SYNJ2BP: variants seen among roughly 807,000 people sequenced by gnomAD.
SYNJ2BP encodes the protein synaptojanin 2 binding protein, also known as synaptojanin-2-binding protein.
A neutral mutation model predicts 16.9 loss-of-function variants in SYNJ2BP; 10 were observed. The observed-to-expected ratio is 0.59, with a 90% CI of 0.36 to 1.00. The LOEUF (loss-of-function observed/expected upper bound fraction) is 1.00. SYNJ2BP is among the 50% of genes least tolerant of loss of function. The pLI, the probability that SYNJ2BP is intolerant of heterozygous loss-of-function variation, is 0.01. For synonymous variants in SYNJ2BP, 54 were observed against 68.4 expected (o/e 0.79, Z 1.04); for missense variants, 162 against 186.7 (o/e 0.87, Z 0.77).
At chr14:70,403,423 T>G (rs893919740) in intron 1 of SYNJ2BP, among the ~76,000 whole-genome samples, 2 of 152,158 alleles carry the variant, frequency 1.3e-5, no homozygotes, top group African/African-American at 4.8e-5. Flanking sequence ...CCCAGTAAGT[T>G]AAGGGATTCT....
At chr14:70,380,399 C>T (rs1195043248) in intron 2 of SYNJ2BP, among the ~76,000 whole-genome samples, 12 of 152,102 alleles carry the variant, frequency 7.9e-5, no homozygotes, top group Non-Finnish European at 1.3e-4. Context: ...CATGGTGGCT[C>T]ACACCTGCAA....
chr14:70,399,534 C>G (rs10144588), intron 1 of SYNJ2BP, among the ~76,000 whole-genome samples: 36,021 of 151,834 alleles, frequency 0.24, 5,972 homozygotes, highest in East Asian at 0.61. Flanking sequence ...GGGTGGGGGA[C>G]ACACAGTTGG....
At chr14:70,389,677 T>C (rs1330046829) in intron 1 of SYNJ2BP, among the ~76,000 whole-genome samples, 1 of 152,212 alleles carries the variant, frequency 6.6e-6, no homozygotes, top group Non-Finnish European at 1.5e-5. Context: ...AATGAGCATT[T>C]CCTTTGAACG....
At chr14:70,381,498 T>G (rs1053948232) in intron 2 of SYNJ2BP, among the ~76,000 whole-genome samples, 3 of 152,334 alleles carry the variant, frequency 2.0e-5, no homozygotes, top group East Asian at 1.9e-4. Flanking sequence ...AAAATTGAAT[T>G]TGCTCTCCAA....
intron 1 of SYNJ2BP, among the ~76,000 whole-genome samples, chr14:70,413,124 A>G (rs2140878477): frequency 6.6e-6 from 1 of 152,338 alleles, no homozygotes; most frequent in South Asian, 2.1e-4. Context: ...TATTAGTCTA[A>G]AATGGCAGGA....
In SYNJ2BP at chr14:70,366,823, G is replaced by A. The variant is rs909603258; in HGVS notation, c.*6168C>T. On this transcript the variant is annotated 3_prime_UTR_variant, in exon 4 of 4. Transcript: ENST00000256366. Reference sequence around the variant, plus strand: ...AGCAAAACAAAACAGGGTTCATGAGGAAAATAATCTTCTAAGAACTAACAT... The same window carrying A: ...AGCAAAACAAAACAGGGTTCATGAGAAAAATAATCTTCTAAGAACTAACAT... The A allele has an allele frequency of 3.9e-5, 6 of 152,132 alleles. No homozygotes were observed. Among genetic ancestry groups the A allele is most frequent in the Non-Finnish European group, 7.4e-5 (5 of 68,002 alleles). The allele number at this position is 152,132 out of a possible 1,614,324, so 9.4% of individuals were successfully genotyped here. A position where few individuals can be genotyped will look rare whatever the true frequency, so the allele number is the denominator to read the frequency against.
chr14:70,399,878 A>G (rs1485079004), intron 1 of SYNJ2BP, among the ~76,000 whole-genome samples: 1 of 152,172 alleles, frequency 6.6e-6, no homozygotes, highest in Non-Finnish European at 1.5e-5. Flanking sequence ...AGTAAAAGGG[A>G]GCCATCATCC....
At chr14:70,415,185 A>AAT (rs1555349952) in intron 1 of SYNJ2BP, among the ~76,000 whole-genome samples, 98 of 151,030 alleles carry the variant, frequency 6.5e-4, no homozygotes, top group African/African-American at 1.5e-3. Flanking sequence ...AAAAAAAAAA[A>AAT]ATATTAATAA....
intron 3 of SYNJ2BP, among the ~76,000 whole-genome samples, chr14:70,374,325 C>T (rs1243416268): frequency 6.6e-6 from 1 of 152,194 alleles, no homozygotes; most frequent in Non-Finnish European, 1.5e-5. Context: ...TCCATTACAC[C>T]CAGATTCTGC....
At chr14:70,376,577 C>T (rs548665501) in intron 2 of SYNJ2BP, among the ~76,000 whole-genome samples, 1 of 152,354 alleles carries the variant, frequency 6.6e-6, no homozygotes, top group East Asian at 1.9e-4. Context: ...TTGTCAATGT[C>T]ATCGTTAACA....
chr14:70,412,004 A>C (rs1194673655), intron 1 of SYNJ2BP, among the ~76,000 whole-genome samples: 1 of 152,262 alleles, frequency 6.6e-6, no homozygotes, highest in Non-Finnish European at 1.5e-5. Context: ...AGAAAGGAAT[A>C]GATCAGAAAA....
At chr14:70,391,716 C>T (rs1887983887) in intron 1 of SYNJ2BP, among the ~76,000 whole-genome samples, 1 of 152,052 alleles carries the variant, frequency 6.6e-6, no homozygotes, top group Non-Finnish European at 1.5e-5. Context: ...TTATTCAAAG[C>T]TAACTGTAGA....
Position 70,388,605 on chromosome 14 carries a change from C to G in SYNJ2BP, c.66G>C (p.Gly22=). Residue 22 remains glycine (G), a splice_region_variant and synonymous_variant, in exon 2 of 4, where the codon GGG becomes GGC. Transcript: ENST00000256366. ...TCCCACCGACGATGTTGAAGCCCAG[C>G]CCTGAGAAAATCATGGAGGAGTAAA... ...EEINLTRGPS[G]LGFNIVGGTD... is the part of the protein sequence containing the mutation. The G allele has an allele frequency of 6.7e-7, 1 of 1,498,196 alleles. No individual in the cohort carries two copies. The highest frequency in any genetic ancestry group is 1.4e-5 in the South Asian group (1 of 72,576). 92.8% of individuals were successfully genotyped at this position (1,498,196 alleles called of 1,614,324 possible). A position where few individuals can be genotyped will look rare whatever the true frequency, so the allele number is the denominator to read the frequency against.
At chr14:70,382,909 A>T (rs541688172) in intron 2 of SYNJ2BP, among the ~76,000 whole-genome samples, 3 of 152,292 alleles carry the variant, frequency 2.0e-5, no homozygotes, top group South Asian at 4.1e-4. Flanking sequence ...TTGCCTCAGG[A>T]TATTCTAAAA....
intron 1 of SYNJ2BP, among the ~76,000 whole-genome samples, chr14:70,399,603 A>T (rs2332372): frequency 6.6e-6 from 1 of 151,946 alleles, no homozygotes; most frequent in Non-Finnish European, 1.5e-5. Flanking sequence ...TCCCGCAGCC[A>T]CTCCTGCTGT....
At chr14:70,392,223 G>A (rs750675069) in intron 1 of SYNJ2BP, among the ~76,000 whole-genome samples, 15 of 152,082 alleles carry the variant, frequency 9.9e-5, no homozygotes, top group Admixed American at 7.2e-4. Context: ...TAGGCATTAC[G>A]TTATGCTCTG....
intron 2 of SYNJ2BP, among the ~76,000 whole-genome samples, chr14:70,376,701 G>A (rs528231813): frequency 7.0e-4 from 107 of 152,168 alleles, no homozygotes; most frequent in African/African-American, 2.2e-3. Context: ...TTTTTATCTC[G>A]TTTCCACAGA....
chr14:70,399,092 G>T (rs1888173380), intron 1 of SYNJ2BP, among the ~76,000 whole-genome samples: 1 of 152,118 alleles, frequency 6.6e-6, no homozygotes, highest in African/African-American at 2.4e-5. Flanking sequence ...CCCGTGGTGG[G>T]TGGGTGTGGT....
intron 1 of SYNJ2BP, among the ~76,000 whole-genome samples, chr14:70,412,457 G>GTA (rs1408287459): frequency 1.2e-5 from 1 of 83,702 alleles, no homozygotes; most frequent in Non-Finnish European, 2.9e-5. Flanking sequence ...AAATGAGTAT[G>GTA]TATGTATGTA....
Sources: gnomAD v4.1 joint callset for allele counts (sites outside exome capture counted in the v4.1 genomes callset) on GRCh38, gnomAD v4.1.1 for gene constraint, MANE v1.5 for transcripts, NCBI Gene and HGNC (gene_info 2026-07-23, HGNC 2026-07-21) for gene names.